The following DPH6 variants were observed in gnomAD, a reference collection of about 807,000 sequenced individuals.
DPH6 encodes diphthamine biosynthesis 6.
Under a neutral mutation model 38.2 loss-of-function variants are expected in DPH6, and 33 were observed. The observed-to-expected ratio is 0.86, with a 90% CI of 0.65 to 1.15. The LOEUF (loss-of-function observed/expected upper bound fraction) is 1.15. Among genes scored for constraint, DPH6 ranks in the 50% most tolerant of loss-of-function variants. The pLI, the probability that DPH6 is intolerant of heterozygous loss-of-function variation, is 0.00. For synonymous variants in DPH6, 108 were observed against 103.0 expected, an observed-to-expected ratio of 1.05 and a Z score of -0.30; for missense variants, 325 against 320.0, an observed-to-expected ratio of 1.02 and a Z score of -0.12.
intron 3 of DPH6, among the ~76,000 whole-genome samples, chr15:35,490,907 G>A (rs550695406): frequency 7.2e-5 from 11 of 152,178 alleles, no homozygotes; most frequent in African/African-American, 2.6e-4. Flanking sequence ...CATGGTGTTG[G>A]AATCTGGTGA....
chr15:35,542,943 G>A (rs2055278699), intron 1 of DPH6, among the ~76,000 whole-genome samples: 5 of 10,938 alleles, frequency 4.6e-4, no homozygotes, highest in Non-Finnish European at 4.9e-4. Context: ...TTCCACTTAA[G>A]GAATATATAT....
chr15:35,470,840 T>C (rs2054189626), intron 3 of DPH6, among the ~76,000 whole-genome samples: 2 of 152,224 alleles, frequency 1.3e-5, no homozygotes, highest in Non-Finnish European at 2.9e-5. Flanking sequence ...CTGTACTTTT[T>C]AAAGAAAAAC....
chr15:35,185,478 G>T, the DPH6 span, among the ~76,000 whole-genome samples: 1 of 152,152 alleles, frequency 6.6e-6, no homozygotes, highest in South Asian at 2.1e-4. Flanking sequence ...AACTGTAGAT[G>T]ACTATGACAT....
chr15:35,387,322 C>A (rs566344717), intron 6 of DPH6, among the ~76,000 whole-genome samples: 1 of 152,102 alleles, frequency 6.6e-6, no homozygotes, highest in African/African-American at 2.4e-5. Flanking sequence ...CTTGGCAATG[C>A]GGGCTCTTTT....
At chr15:35,358,791 G>A (rs537657002) in intron 3 of DPH6, among the ~76,000 whole-genome samples, 1 of 152,136 alleles carries the variant, frequency 6.6e-6, no homozygotes, top group Non-Finnish European at 1.5e-5. Flanking sequence ...GAGGTGGCGG[G>A]GGATGCAATA....
intron 3 of DPH6, among the ~76,000 whole-genome samples, chr15:35,311,326 T>C (rs2052140213): frequency 1.3e-5 from 2 of 152,198 alleles, no homozygotes; most frequent in Admixed American, 6.5e-5. Context: ...TCTTGGCAAC[T>C]GAAGACTGCT....
chr15:35,482,730 AAAGGT>A (rs1470850384), intron 3 of DPH6, among the ~76,000 whole-genome samples: 4 of 152,144 alleles, frequency 2.6e-5, no homozygotes, highest in East Asian at 1.9e-4. Context: ...TTGTAGACGT[AAAGGT>A]AAGAGCTAAA....
chr15:35,529,540 C>T (rs1462600099), intron 3 of DPH6, among the ~76,000 whole-genome samples: 1 of 152,102 alleles, frequency 6.6e-6, no homozygotes, highest in Non-Finnish European at 1.5e-5. Flanking sequence ...CTTCTGATCC[C>T]CCAAATGGGA....
At chr15:35,314,690 G>C (rs1272669285) in intron 3 of DPH6, among the ~76,000 whole-genome samples, 1 of 152,094 alleles carries the variant, frequency 6.6e-6, no homozygotes, top group Admixed American at 6.6e-5. Context: ...ACCATTCTAT[G>C]GTCATTTGGT....
At chr15:35,215,552 T>TA (rs1225954363), downstream of DPH6, among the ~76,000 whole-genome samples, 2 of 151,968 alleles carry the variant, frequency 1.3e-5, no homozygotes, top group African/African-American at 2.4e-5. Context: ...CCCAGCTAAT[T>TA]AAAAAAAATT....
At chr15:35,385,189 C>A (rs1221426442) in intron 6 of DPH6, among the ~76,000 whole-genome samples, 1 of 152,122 alleles carries the variant, frequency 6.6e-6, no homozygotes, top group Non-Finnish European at 1.5e-5. Flanking sequence ...ATTAGTTCAA[C>A]CATTGTGGAA....
At chr15:35,299,425 G>T in intron 3 of DPH6, 2 of 784,318 alleles carry the variant, frequency 2.5e-6, no homozygotes, top group South Asian at 2.7e-5. Flanking sequence ...GGTTTCCTCT[G>T]ATCGTACAGG....
chr15:35,474,077 C>T (rs1394589622), intron 3 of DPH6, among the ~76,000 whole-genome samples: 4 of 151,950 alleles, frequency 2.6e-5, no homozygotes, highest in African/African-American at 7.2e-5. Context: ...AGAGGATATA[C>T]CTATGAACAT....
chr15:35,474,110 T>A (rs1345589528), intron 3 of DPH6, among the ~76,000 whole-genome samples: 2 of 152,200 alleles, frequency 1.3e-5, no homozygotes, highest in Non-Finnish European at 2.9e-5. Flanking sequence ...ACCAAGTGAC[T>A]GTGTTGCCCA....
chr15:35,527,025 A>G (rs1435265604), intron 3 of DPH6, among the ~76,000 whole-genome samples: 1 of 152,144 alleles, frequency 6.6e-6, no homozygotes, highest in African/African-American at 2.4e-5. Flanking sequence ...TCCAATCTAT[A>G]ATATAAATTT....
chr15:35,459,981 C>T (rs2054043536), intron 3 of DPH6, among the ~76,000 whole-genome samples: 1 of 152,128 alleles, frequency 6.6e-6, no homozygotes, highest in South Asian at 2.1e-4. Flanking sequence ...TTCAAGTTAA[C>T]AAAGCTGGTA....
chr15:35,247,098 C>T (rs532393494), intron 3 of DPH6, among the ~76,000 whole-genome samples: 3 of 152,282 alleles, frequency 2.0e-5, no homozygotes, highest in South Asian at 4.1e-4. Flanking sequence ...TCATTCCACA[C>T]CAAGGAGCAA....
intron 3 of DPH6, among the ~76,000 whole-genome samples, chr15:35,514,234 C>T (rs1354847055): frequency 1.3e-5 from 2 of 152,006 alleles, no homozygotes; most frequent in African/African-American, 4.8e-5. Flanking sequence ...TATTATATAA[C>T]ATTGTTTTAT....
intron 5 of DPH6, among the ~76,000 whole-genome samples, chr15:35,412,457 G>A (rs954372734): frequency 1.3e-5 from 2 of 151,580 alleles, no homozygotes; most frequent in Non-Finnish European, 3.0e-5. Context: ...CTTACTATAC[G>A]ATCCAACTGT....
Sources: allele counts gnomAD v4.1 joint callset (sites outside exome capture counted in the v4.1 genomes callset), GRCh38; gene constraint gnomAD v4.1.1; transcripts MANE v1.5; gene names NCBI Gene and HGNC (gene_info 2026-07-23, HGNC 2026-07-21).